The following RTN1 variants were observed in gnomAD, a reference collection of about 807,000 sequenced individuals.
The protein encoded by RTN1 is reticulon 1, also known as reticulon-1.
RTN1 carries 25 observed loss-of-function variants against 65.5 expected under a neutral mutation model. The ratio of observed to expected loss-of-function variants is 0.38; its 90% CI spans 0.28 to 0.53. The LOEUF is 0.53. RTN1 is among the 20% of genes least tolerant of loss of function. The probability of loss-of-function intolerance (pLI) is 0.79; values close to 1 mark genes in which losing one functional copy is unlikely to be tolerated. For synonymous variants in RTN1, 471 were observed against 447.6 expected (o/e 1.05, Z -0.66); for missense variants, 983 against 1,025.4 (o/e 0.96, Z 0.57).
intron 1 of RTN1, among the ~76,000 whole-genome samples, chr14:59,827,385 G>A (rs1391960645): frequency 2.0e-5 from 3 of 152,028 alleles, no homozygotes; most frequent in African/African-American, 7.2e-5. Flanking sequence ...GCTGTATGTG[G>A]TTCTTACTGC....
At chr14:59,749,298 CTATATATA>C (rs1166192234) in intron 1 of RTN1, among the ~76,000 whole-genome samples, 1 of 26,686 alleles carries the variant, frequency 3.7e-5, no homozygotes, top group African/African-American at 2.7e-4. Flanking sequence ...CTATATATAT[CTATATATA>C]TCTATATATA....
At chr14:59,670,883 A>C (rs1883487436) in intron 3 of RTN1, among the ~76,000 whole-genome samples, 1 of 152,108 alleles carries the variant, frequency 6.6e-6, no homozygotes, top group Non-Finnish European at 1.5e-5. Flanking sequence ...GGTTATTAAC[A>C]CATCTTTGAA....
chr14:59,606,893 G>C (rs1192752071), intron 4 of RTN1, among the ~76,000 whole-genome samples: 1 of 152,126 alleles, frequency 6.6e-6, no homozygotes, highest in Non-Finnish European at 1.5e-5. Flanking sequence ...CCCTAGTCCT[G>C]GTTTCGTGCT....
At chr14:59,840,574 T>C (rs1887292909) in intron 1 of RTN1, among the ~76,000 whole-genome samples, 1 of 152,224 alleles carries the variant, frequency 6.6e-6, no homozygotes, top group Non-Finnish European at 1.5e-5. Flanking sequence ...ATATACTACA[T>C]GATCAAGAAA....
At chr14:59,765,720 C>A (rs758699091) in intron 1 of RTN1, among the ~76,000 whole-genome samples, 3 of 151,136 alleles carry the variant, frequency 2.0e-5, no homozygotes, top group Non-Finnish European at 4.4e-5. Context: ...AAGGAACCAG[C>A]AACCAATTAC....
chr14:59,773,425 T>C (rs922844772), intron 1 of RTN1, among the ~76,000 whole-genome samples: 13 of 152,178 alleles, frequency 8.5e-5, no homozygotes, highest in African/African-American at 2.9e-4. Context: ...GTCTATTACA[T>C]ATCTTCTGAT....
intron 1 of RTN1, among the ~76,000 whole-genome samples, chr14:59,750,469 TATATA>T (rs1244056707): frequency 1.5e-5 from 1 of 66,914 alleles, no homozygotes; most frequent in African/African-American, 5.9e-5. Flanking sequence ...ATATCTATAA[TATATA>T]ATATATCTAT....
chr14:59,867,391 G>A (rs986917579), intron 1 of RTN1, among the ~76,000 whole-genome samples: 5 of 152,102 alleles, frequency 3.3e-5, no homozygotes, highest in African/African-American at 1.2e-4. Context: ...ATGTTCCCTT[G>A]TCAACACACA....
Position 59,605,361 on chromosome 14 carries a change from A to G in RTN1, c.2112+7T>C, listed in dbSNP as rs763292959. The G allele has an allele frequency of 6.2e-7, 1 of 1,613,448 alleles. No individual in the cohort carries two copies. The highest frequency in any genetic ancestry group is 2.2e-5 in the East Asian group (1 of 44,876). On this transcript the variant is annotated splice_region_variant and intron_variant, in intron 5 of 8. Coordinates refer to ENST00000267484, the MANE Select transcript of RTN1 (RefSeq NM_021136.3). ...GACTGTGAAGTGAACAGCTTAAGCA[A>G]CTATACTTTTAAGGAATCCACCAGG...
intron 1 of RTN1, among the ~76,000 whole-genome samples, chr14:59,810,765 A>G (rs1443382721): frequency 1.3e-5 from 2 of 152,204 alleles, no homozygotes; most frequent in Non-Finnish European, 2.9e-5. Context: ...CGAGGTGAAG[A>G]GGACAAGGAC....
At position 59,774,546 on chromosome 14, in the gene RTN1, G is replaced by A. The variant is rs999110346; in HGVS notation, c.242-28065C>T. ...TTTCACTCCACACTGATCAAAATCA[G>A]TTCAAAATAGTCCAGTTCTTTAATT... On this transcript the variant is annotated intron_variant, in intron 1 of 8. Transcript: ENST00000267484. The surrounding 1 kb of genome is among the most constrained non-coding windows in gnomAD (Gnocchi z 5.1). 6.7e-6 allele frequency among the ~76,000 whole-genome samples: 1 copy of A among 150,320 alleles called. No homozygotes were observed. Among genetic ancestry groups the A allele is most frequent in the Admixed American group, 6.6e-5 (1 of 15,194 alleles).
At chr14:59,682,699 T>C (rs79469447) in intron 3 of RTN1, among the ~76,000 whole-genome samples, 3,275 of 152,222 alleles carry the variant, frequency 0.022, 43 homozygotes, top group Middle Eastern at 0.034. Context: ...GGGAACAAAA[T>C]CAAATGTATA....
intron 1 of RTN1, among the ~76,000 whole-genome samples, chr14:59,856,007 TG>T: frequency 6.6e-6 from 1 of 152,236 alleles, no homozygotes; most frequent in Non-Finnish European, 1.5e-5. Context: ...AGGCTTTTTT[TG>T]TGGGTGTTTT....
intron 1 of RTN1, among the ~76,000 whole-genome samples, chr14:59,763,506 T>A (rs1263712591): frequency 2.0e-5 from 3 of 151,480 alleles, no homozygotes; most frequent in African/African-American, 7.3e-5. Context: ...TATGCACAAT[T>A]CATAACAATA....
chr14:59,674,104 CAACT>C (rs1444902726), intron 3 of RTN1, among the ~76,000 whole-genome samples: 1 of 152,188 alleles, frequency 6.6e-6, no homozygotes, highest in African/African-American at 2.4e-5. Context: ...AATCTTCCCC[CAACT>C]GTTTCAGTTT....
chr14:59,779,669 A>G (rs1886117288), intron 1 of RTN1, among the ~76,000 whole-genome samples: 1 of 152,036 alleles, frequency 6.6e-6, no homozygotes, highest in South Asian at 2.1e-4. Flanking sequence ...GGGCATTTTC[A>G]CGGCGTTTTG....
At chr14:59,640,814 T>C in intron 3 of RTN1, among the ~76,000 whole-genome samples, 1 of 152,278 alleles carries the variant, frequency 6.6e-6, no homozygotes, top group South Asian at 2.1e-4. Context: ...AAGAATAAAA[T>C]TTTTACTTTT....
chr14:59,740,109 T>G (rs900196004), intron 2 of RTN1, among the ~76,000 whole-genome samples: 35 of 152,324 alleles, frequency 2.3e-4, no homozygotes, highest in African/African-American at 7.9e-4. Flanking sequence ...TTTCACCCTT[T>G]CCCACTCTCC....
At chr14:59,845,516 C>G (rs1305005691) in intron 1 of RTN1, among the ~76,000 whole-genome samples, 1 of 152,152 alleles carries the variant, frequency 6.6e-6, no homozygotes, top group Non-Finnish European at 1.5e-5. Flanking sequence ...TCTCCTTAAC[C>G]TCCCATGCCT....
Sources: allele counts gnomAD v4.1 joint callset (sites outside exome capture counted in the v4.1 genomes callset), GRCh38; gene constraint gnomAD v4.1.1; non-coding constraint Gnocchi (gnomAD v3.1); transcripts MANE v1.5; gene names NCBI Gene and HGNC (gene_info 2026-07-23, HGNC 2026-07-21).